OTUD7A: variants seen among roughly 807,000 people sequenced by gnomAD.
OTUD7A encodes OTU domain-containing protein 7A.
OTUD7A carries 12 observed loss-of-function variants against 65.7 expected under a neutral mutation model. The ratio of observed to expected loss-of-function variants is 0.18; its 90% CI spans 0.12 to 0.30. The LOEUF (loss-of-function observed/expected upper bound fraction) is 0.30, where lower values mean the gene tolerates loss of function less well. Ranked by LOEUF, OTUD7A falls within the 10% of genes least tolerant of loss-of-function variation. The pLI, the probability that OTUD7A is intolerant of heterozygous loss-of-function variation, is 1.00. For synonymous variants in OTUD7A, 641 were observed against 586.3 expected (o/e 1.09, Z -1.35); for missense variants, 1,148 against 1,304.8 (o/e 0.88, Z 1.85).
chr15:31,697,369 C>T lies in OTUD7A; in HGVS notation c.-99-40292G>A, dbSNP rs1324840127. Among the ~76,000 whole-genome samples, 11 of 144,642 alleles carry T rather than the reference C, an allele frequency of 7.6e-5. No individual in the cohort carries two copies. The East Asian group carries it at 2.2e-3, about 29-fold the overall frequency. The allele number at this position is 144,642 out of a possible 152,430, so 94.9% of individuals were successfully genotyped here. ...CACTCACCCACATTACTTTCTGTGG[C>T]GTTAGCAATCACCCTGTTAATCTGT... On this transcript the variant is annotated intron_variant, in intron 1 of 12. Transcript: ENST00000307050.
chr15:31,716,211 CAT>C (rs1474875276), intron 1 of OTUD7A, among the ~76,000 whole-genome samples: 1 of 35,202 alleles, frequency 2.8e-5, no homozygotes, highest in African/African-American at 5.1e-5. Context: ...ATACATATAA[CAT>C]AATACACATG....
intron 3 of OTUD7A, among the ~76,000 whole-genome samples, chr15:31,621,322 A>G (rs185329785): frequency 9.2e-5 from 14 of 152,124 alleles, no homozygotes; most frequent in Admixed American, 7.2e-4. Context: ...TGGATATCCT[A>G]GTTAACTTTC....
chr15:31,676,733 C>T (rs189654289), intron 1 of OTUD7A, among the ~76,000 whole-genome samples: 86 of 152,284 alleles, frequency 5.6e-4, no homozygotes, highest in East Asian at 1.9e-4. Context: ...GAATGACACA[C>T]GTGGGGAATC....
chr15:31,569,180 T>G (rs144714720), intron 4 of OTUD7A, among the ~76,000 whole-genome samples: 5 of 152,366 alleles, frequency 3.3e-5, no homozygotes, highest in South Asian at 2.1e-4. Context: ...GCAAATCCAT[T>G]CTGGGAATGC....
chr15:31,487,104 G>A lies in OTUD7A; in HGVS notation c.1371+90C>T. On this transcript the variant is annotated intron_variant, in intron 12 of 12. Coordinates refer to ENST00000307050, the MANE Select transcript of OTUD7A (RefSeq NM_001382637.1). The surrounding 1 kb of genome is among the most constrained non-coding windows in gnomAD (Gnocchi z 6.0). ...CCGGGCAGGGGCAGGCAAGAGTGTG[G>A]GAGCATTTGGGAGGATGCACCCTGG... 7.7e-7 allele frequency: 1 copy of A among 1,299,680 alleles called. No individual in the cohort carries two copies. The highest frequency in any genetic ancestry group is 1.3e-5 in the South Asian group (1 of 77,376). The allele number at this position is 1,299,680 out of a possible 1,614,324, so 80.5% of individuals were successfully genotyped here.
At chr15:31,587,058 G>A (rs551312334) in intron 3 of OTUD7A, among the ~76,000 whole-genome samples, 42 of 152,074 alleles carry the variant, frequency 2.8e-4, no homozygotes, top group Admixed American at 6.5e-4. Flanking sequence ...ACCTCTGCTC[G>A]GCTATCTAAG....
rs143866871 is a variant in OTUD7A at position 31,808,981 on chromosome 15, T to A, written c.-100+61526A>T. 1.1e-3 allele frequency among the ~76,000 whole-genome samples: 175 copies of A among 152,220 alleles called. 3 individuals are homozygous for A. The highest frequency in any genetic ancestry group is 1.3e-4 in the Non-Finnish European group (9 of 67,998). On this transcript the variant is annotated intron_variant, in intron 1 of 12. Transcript: ENST00000307050. Reference sequence around the variant, plus strand: ...AAACTTGCTGGGCAATTGCTCAAAGTGGAGACTGAAAAGCAAAATCACTGA... The same window carrying A: ...AAACTTGCTGGGCAATTGCTCAAAGAGGAGACTGAAAAGCAAAATCACTGA...
intron 5 of OTUD7A, among the ~76,000 whole-genome samples, chr15:31,532,161 G>T (rs1401761774): frequency 2.0e-5 from 3 of 152,156 alleles, no homozygotes; most frequent in African/African-American, 7.2e-5. Flanking sequence ...GAACCAGGAA[G>T]ATTTCAAACA....
chr15:31,838,247 A>C (rs1340094315), intron 1 of OTUD7A, among the ~76,000 whole-genome samples: 1 of 152,202 alleles, frequency 6.6e-6, no homozygotes, highest in Non-Finnish European at 1.5e-5. Context: ...CACTTTTTTT[A>C]AAAGTACGTT....
At chr15:31,624,934 C>T (rs1400315589) in intron 3 of OTUD7A, among the ~76,000 whole-genome samples, 10 of 152,178 alleles carry the variant, frequency 6.6e-5, no homozygotes. Flanking sequence ...CTGTGTGGCC[C>T]CCTCCACTTT....
chr15:31,565,290 C>T (rs529299719), intron 4 of OTUD7A, among the ~76,000 whole-genome samples: 37 of 152,224 alleles, frequency 2.4e-4, no homozygotes, highest in Non-Finnish European at 4.7e-4. Flanking sequence ...TGAAGAAGAA[C>T]TTACAATTAT....
chr15:31,673,835 T>C (rs1478101954), intron 1 of OTUD7A, among the ~76,000 whole-genome samples: 2 of 152,224 alleles, frequency 1.3e-5, no homozygotes, highest in African/African-American at 4.8e-5. Context: ...ACTTTGCGCA[T>C]TGAGCTGTCA....
At chr15:31,806,655 T>A (rs1484571460) in intron 1 of OTUD7A, among the ~76,000 whole-genome samples, 1 of 152,168 alleles carries the variant, frequency 6.6e-6, no homozygotes, top group African/African-American at 2.4e-5. Context: ...TGTCCCTCCA[T>A]CAAGTAGCAC....
At chr15:31,767,885 G>T in intron 1 of OTUD7A, 1 of 1,400,734 alleles carries the variant, frequency 7.1e-7, no homozygotes, top group Non-Finnish European at 1.0e-6. Context: ...AAGTGGCAAC[G>T]TTGCAGGAAA....
At chr15:31,776,192 C>T (rs570485063) in intron 1 of OTUD7A, among the ~76,000 whole-genome samples, 20 of 152,314 alleles carry the variant, frequency 1.3e-4, no homozygotes, top group South Asian at 1.2e-3. Flanking sequence ...CGCCTGGTAC[C>T]GCTCCCAGTA....
At chr15:31,615,850 C>T (rs533638033) in intron 3 of OTUD7A, among the ~76,000 whole-genome samples, 5 of 152,194 alleles carry the variant, frequency 3.3e-5, no homozygotes, top group Non-Finnish European at 4.4e-5. Context: ...AGGCTTCAAC[C>T]GCGGTCTGAG....
At chr15:31,708,077 C>G (rs1207890871) in intron 1 of OTUD7A, among the ~76,000 whole-genome samples, 3 of 151,820 alleles carry the variant, frequency 2.0e-5, no homozygotes, top group Non-Finnish European at 4.4e-5. Context: ...GCAGGAGCCA[C>G]TTCTGTAAAA....
intron 3 of OTUD7A, among the ~76,000 whole-genome samples, chr15:31,623,077 C>T (rs1262737499): frequency 6.6e-6 from 1 of 152,208 alleles, no homozygotes; most frequent in Non-Finnish European, 1.5e-5. Context: ...TGCAGAACAG[C>T]GAATATTGCT....
intron 3 of OTUD7A, chr15:31,649,905 TC>T: frequency 4.3e-6 from 1 of 235,176 alleles, no homozygotes; most frequent in Non-Finnish European, 9.6e-6. Flanking sequence ...TCCTCCAGTC[TC>T]CCCAGTGTGG....
Sources: gnomAD v4.1 joint callset for allele counts (sites outside exome capture counted in the v4.1 genomes callset) on GRCh38, gnomAD v4.1.1 for gene constraint, Gnocchi (gnomAD v3.1) non-coding constraint, MANE v1.5 for transcripts, NCBI Gene and HGNC (gene_info 2026-07-23, HGNC 2026-07-21) for gene names.